Variants in UNC79 observed in about 807,000 individuals in gnomAD.
UNC79 encodes unc-79 subunit of NALCN channel complex, also known as protein unc-79 homolog.
Under a neutral mutation model 283.1 loss-of-function variants are expected in UNC79, and 37 were observed. That is an observed-to-expected ratio of 0.13 (90% confidence interval 0.10 to 0.17). The LOEUF is 0.17. Among genes scored for constraint, UNC79 ranks in the 10% least tolerant of loss-of-function variants. UNC79 has a pLI of 1.00. For missense variants in UNC79, 2,272 were observed against 3,211.1 expected (o/e 0.71, Z 7.07); for synonymous variants, 1,107 against 1,200.2 (o/e 0.92, Z 1.61).
intron 24 of UNC79, among the ~76,000 whole-genome samples, chr14:93,599,090 A>G (rs1025114053): frequency 1.3e-5 from 2 of 152,142 alleles, no homozygotes; most frequent in African/African-American, 4.8e-5. Flanking sequence ...GTTGCATCTG[A>G]TTTATTATTT....
chr14:93,625,229 C>A (rs2067472126), intron 30 of UNC79, among the ~76,000 whole-genome samples: 1 of 152,224 alleles, frequency 6.6e-6, no homozygotes, highest in African/African-American at 2.4e-5. Context: ...GGGGCAGCAT[C>A]TTCCTTGCTC....
chr14:93,634,542 G>A (rs751797216), intron 31 of UNC79: 8 of 1,613,950 alleles, frequency 5.0e-6, no homozygotes, highest in Non-Finnish European at 6.8e-6. Context: ...CAGATGAAAA[G>A]GGGATCCCTG....
At chr14:93,676,746 A>C (rs2073373807) in intron 41 of UNC79, among the ~76,000 whole-genome samples, 1 of 152,222 alleles carries the variant, frequency 6.6e-6, no homozygotes, top group African/African-American at 2.4e-5. Flanking sequence ...TGACAGTTTA[A>C]ATTACCCAGT....
chr14:93,582,842 C>T (rs2063915510), intron 20 of UNC79, among the ~76,000 whole-genome samples: 1 of 152,016 alleles, frequency 6.6e-6, no homozygotes. Flanking sequence ...CAGATAGGCT[C>T]AGGAATCGTA....
At chr14:93,533,593 C>T (rs775531859) in intron 11 of UNC79, among the ~76,000 whole-genome samples, 3 of 152,068 alleles carry the variant, frequency 2.0e-5, no homozygotes, top group East Asian at 1.9e-4. Context: ...GATGTCTCAT[C>T]GTCCAGGGGC....
chr14:93,679,417 C>G (rs558933981), intron 41 of UNC79, among the ~76,000 whole-genome samples: 1 of 151,948 alleles, frequency 6.6e-6, no homozygotes, highest in Non-Finnish European at 1.5e-5. Flanking sequence ...CGAGATCGCG[C>G]GACTGCACTC....
chr14:93,555,074 G>A (rs1410063123), intron 14 of UNC79, among the ~76,000 whole-genome samples: 4 of 152,156 alleles, frequency 2.6e-5, no homozygotes, highest in Non-Finnish European at 5.9e-5. Flanking sequence ...TAATCTTAAA[G>A]CATCTAGCAA....
rs569366368 is a variant in UNC79 at position 93,688,222 on chromosome 14, C to A, written c.6910-443C>A. Among the ~76,000 whole-genome samples, 65 of 152,244 alleles carry A rather than the reference C, an allele frequency of 4.3e-4. No individual in the cohort carries two copies. In the Middle Eastern group the frequency reaches 0.014, roughly 32 times the overall value. On this transcript the variant is annotated intron_variant, in intron 43 of 48. Transcript: ENST00000555664. The surrounding 1 kb of genome is among the most constrained non-coding windows in gnomAD (Gnocchi z 4.0). ...GGCCACATTTAGTGAACATTTCACACAAACTACAGTAAAAATGTGTCTCTC... is the reference window on the plus strand; with the variant it reads ...GGCCACATTTAGTGAACATTTCACAAAAACTACAGTAAAAATGTGTCTCTC...
At chr14:93,404,486 T>TAAAAAAAAAAAAAAAAAAAAAAA (rs34406486) in intron 1 of UNC79, among the ~76,000 whole-genome samples, 2 of 53,046 alleles carry the variant, frequency 3.8e-5, no homozygotes, top group African/African-American at 1.6e-4. Flanking sequence ...TGAGACCTTC[T>TAAAAAAAAAAAAAAAAAAAAAAA]AAAAAAAATA....
intron 25 of UNC79, 102 bp downstream of exon 25, chr14:93,600,872 ATGCCTTGACCTCATGCACTCAATTC>A: frequency 9.8e-6 from 13 of 1,325,778 alleles, no homozygotes; most frequent in African/African-American, 1.5e-5. Context: ...TCTACAGAGG[ATGCCTTGACCTCATGCACTCAATTC>A]ATTAAATGAT....
chr14:93,480,920 T>C (rs1328007338), intron 4 of UNC79, among the ~76,000 whole-genome samples: 3 of 152,204 alleles, frequency 2.0e-5, no homozygotes, highest in Non-Finnish European at 4.4e-5. Flanking sequence ...TTTGGTGTGG[T>C]GTTCCTAATG....
intron 1 of UNC79, among the ~76,000 whole-genome samples, chr14:93,362,431 C>A (rs777331027): frequency 3.3e-5 from 5 of 152,106 alleles, no homozygotes; most frequent in Non-Finnish European, 5.9e-5. Flanking sequence ...TCACTGCAAC[C>A]TCCACCTCCC....
chr14:93,424,752 T>G (rs1330907014), intron 1 of UNC79, among the ~76,000 whole-genome samples: 1 of 151,792 alleles, frequency 6.6e-6, no homozygotes, highest in Non-Finnish European at 1.5e-5. Context: ...GGAGGGTTAA[T>G]GGGTACAAAA....
intron 1 of UNC79, among the ~76,000 whole-genome samples, chr14:93,422,510 A>AC (rs1422695289): frequency 1.3e-5 from 2 of 151,762 alleles, no homozygotes; most frequent in Non-Finnish European, 2.9e-5. Flanking sequence ...GGCATGTCTG[A>AC]CCCCTCCATT....
chr14:93,396,645 A>T (rs2055003592), intron 1 of UNC79, among the ~76,000 whole-genome samples: 1 of 152,092 alleles, frequency 6.6e-6, no homozygotes, highest in African/African-American at 2.4e-5. Context: ...TATTGCTGTA[A>T]CATCTATATT....
At chr14:93,552,978 A>C (rs1422587929) in intron 14 of UNC79, among the ~76,000 whole-genome samples, 2 of 152,250 alleles carry the variant, frequency 1.3e-5, no homozygotes, top group Non-Finnish European at 2.9e-5. Flanking sequence ...CGGCTTTAGA[A>C]GTCAACCTCA....
chr14:93,495,445 C>T (rs1219736616), intron 5 of UNC79, among the ~76,000 whole-genome samples: 10 of 152,180 alleles, frequency 6.6e-5, no homozygotes, highest in Non-Finnish European at 1.0e-4. Context: ...CATTAGGTTT[C>T]TTCCTAAAAC....
intron 12 of UNC79, among the ~76,000 whole-genome samples, chr14:93,538,850 C>G (rs1037757533): frequency 6.8e-6 from 1 of 147,378 alleles, no homozygotes; most frequent in African/African-American, 2.5e-5. Context: ...TACCCTTCCT[C>G]TCTTTTTGTC....
rs145237821 is a variant in UNC79, at chr14:93,698,637, C to T, written c.7548+4225C>T. On this transcript the variant is annotated intron_variant, in intron 47 of 48. Coordinates refer to ENST00000555664, the Ensembl canonical transcript of UNC79. Reference sequence around the variant, plus strand: ...AGTAGCTGGGACCACAGGTGCCCACCGCCATGCCCAGCTAATTTTTGTATT... The same window carrying T: ...AGTAGCTGGGACCACAGGTGCCCACTGCCATGCCCAGCTAATTTTTGTATT... 2.6e-3 allele frequency among the ~76,000 whole-genome samples: 391 copies of T among 151,886 alleles called. 4 individuals carry two copies. Among genetic ancestry groups the T allele is most frequent in the African/African-American group, 9.0e-3 (372 of 41,448 alleles).
Sources: gnomAD v4.1 joint callset for allele counts (sites outside exome capture counted in the v4.1 genomes callset) on GRCh38, gnomAD v4.1.1 for gene constraint, Gnocchi (gnomAD v3.1) non-coding constraint, MANE v1.5 for transcripts, NCBI Gene and HGNC (gene_info 2026-07-23, HGNC 2026-07-21) for gene names.